The following AP3B1 variants were observed in gnomAD, a reference collection of about 807,000 sequenced individuals.
AP3B1 encodes the protein adaptor related protein complex 3 subunit beta 1.
Under a neutral mutation model 132.5 loss-of-function variants are expected in AP3B1, and 61 were observed. The observed-to-expected ratio is 0.46, with a 90% confidence interval of 0.37 to 0.57. The LOEUF is 0.57. AP3B1 is among the 20% of genes least tolerant of loss of function. AP3B1 has a pLI of 0.00. For synonymous variants in AP3B1, 388 were observed against 438.3 expected, an observed-to-expected ratio of 0.89 and a Z score of 1.43; for missense variants, 1,120 against 1,289.4, an observed-to-expected ratio of 0.87 and a Z score of 2.01.
chr5:78,235,131 G>C (rs1290738678), intron 3 of AP3B1, among the ~76,000 whole-genome samples: 1 of 151,950 alleles, frequency 6.6e-6, no homozygotes, highest in Non-Finnish European at 1.5e-5. Context: ...TGGTAATTAG[G>C]ACTCTAGGTG....
At chr5:78,268,290 GTTC>G (rs1748411005) in intron 1 of AP3B1, among the ~76,000 whole-genome samples, 1 of 151,876 alleles carries the variant, frequency 6.6e-6, no homozygotes, top group Non-Finnish European at 1.5e-5. Flanking sequence ...ACTGTATTTT[GTTC>G]TTCTACTTTT....
At chr5:78,038,593 C>T (rs1266167658) in intron 23 of AP3B1, among the ~76,000 whole-genome samples, 1 of 152,198 alleles carries the variant, frequency 6.6e-6, no homozygotes, top group African/African-American at 2.4e-5. Context: ...CCTTCACTTT[C>T]CCATAAATTG....
At chr5:78,233,871 T>C (rs926558943) in intron 3 of AP3B1, among the ~76,000 whole-genome samples, 1 of 152,158 alleles carries the variant, frequency 6.6e-6, no homozygotes, top group Non-Finnish European at 1.5e-5. Context: ...TGTTGTGGCC[T>C]ATGATGGCAG....
chr5:78,208,429 G>A (rs370755071), intron 7 of AP3B1, among the ~76,000 whole-genome samples: 25 of 152,230 alleles, frequency 1.6e-4, no homozygotes, highest in African/African-American at 5.8e-4. Context: ...CCTTATGCTT[G>A]TAACATGACT....
At chr5:78,101,369 A>ATAAC in intron 20 of AP3B1, 1 of 448,924 alleles carries the variant, frequency 2.2e-6, no homozygotes, top group South Asian at 1.7e-5. Flanking sequence ...ATTCTTGAAA[A>ATAAC]TAACTTTTAA....
intron 21 of AP3B1, among the ~76,000 whole-genome samples, chr5:78,096,037 C>G (rs948788272): frequency 1.3e-5 from 2 of 152,186 alleles, no homozygotes; most frequent in African/African-American, 4.8e-5. Flanking sequence ...TCTCCCTCTC[C>G]CCACGGTCTC....
chr5:78,077,660 G>A (rs1484404481), intron 22 of AP3B1, among the ~76,000 whole-genome samples: 1 of 150,440 alleles, frequency 6.6e-6, no homozygotes, highest in Non-Finnish European at 1.5e-5. Context: ...AAGCCTTCAG[G>A]TATACTAGTT....
intron 14 of AP3B1, among the ~76,000 whole-genome samples, chr5:78,149,064 A>C (rs958261600): frequency 3.9e-5 from 6 of 152,186 alleles, no homozygotes; most frequent in Admixed American, 1.3e-4. Flanking sequence ...TGCGGTAGAC[A>C]TTGATCATGT....
At chr5:78,220,695 TAA>T (rs367902480) in intron 6 of AP3B1, among the ~76,000 whole-genome samples, 11 of 137,354 alleles carry the variant, frequency 8.0e-5, no homozygotes, top group African/African-American at 2.4e-4. Context: ...AAAATTAGCT[TAA>T]AAAAAAAAAA....
chr5:78,250,440 C>T (rs1281117008), intron 2 of AP3B1, among the ~76,000 whole-genome samples: 1 of 152,134 alleles, frequency 6.6e-6, no homozygotes, highest in Admixed American at 6.6e-5. Flanking sequence ...GACATTTGGT[C>T]TTCTAATACT....
intron 14 of AP3B1, among the ~76,000 whole-genome samples, chr5:78,150,775 AT>A (rs901586814): frequency 7.3e-5 from 11 of 150,522 alleles, no homozygotes; most frequent in Non-Finnish European, 1.3e-4. Context: ...TTATTTATTT[AT>A]TTTTTTTTTA....
At chr5:78,100,869 T>C in intron 21 of AP3B1, 84 bp downstream of exon 21, 1 of 775,906 alleles carries the variant, frequency 1.3e-6, no homozygotes. Flanking sequence ...TGATATATTT[T>C]GGGACATGTA....
At chr5:78,121,631 C>A (rs1240002043) in intron 17 of AP3B1, 2 of 152,154 alleles carry the variant, frequency 1.3e-5, no homozygotes, top group Admixed American at 1.3e-4. Context: ...TACACCCTCC[C>A]AAGACTAAAC....
intron 22 of AP3B1, among the ~76,000 whole-genome samples, chr5:78,080,976 T>C (rs562970579): frequency 5.3e-5 from 8 of 152,292 alleles, no homozygotes; most frequent in African/African-American, 1.9e-4. Flanking sequence ...AGTTTTCAGC[T>C]GGAGTAAAGG....
intron 16 of AP3B1, among the ~76,000 whole-genome samples, chr5:78,128,606 T>C (rs1256911640): frequency 1.3e-5 from 2 of 152,266 alleles, no homozygotes; most frequent in African/African-American, 4.8e-5. Flanking sequence ...CCAACTGGAA[T>C]GGCTACTTGT....
At chr5:78,083,415 A>G (rs1403620861) in intron 22 of AP3B1, among the ~76,000 whole-genome samples, 1 of 152,240 alleles carries the variant, frequency 6.6e-6, no homozygotes, top group Non-Finnish European at 1.5e-5. Context: ...GAGGTGAACA[A>G]GTTATTCTTA....
chr5:78,194,638 T>G (rs1745005224), intron 7 of AP3B1, among the ~76,000 whole-genome samples: 1 of 152,204 alleles, frequency 6.6e-6, no homozygotes. Flanking sequence ...TGACTGGTTC[T>G]AGAGCTAAGG....
chr5:78,276,824 G>A (rs142469187), intron 1 of AP3B1, among the ~76,000 whole-genome samples: 106 of 150,814 alleles, frequency 7.0e-4, no homozygotes, highest in Admixed American at 2.2e-3. Flanking sequence ...AGCCAAGATC[G>A]CACCATTTCA....
In AP3B1 at chr5:78,184,040, C is replaced by T. The variant is rs570341599; in HGVS notation, c.787-2378G>A. ...AAAATTAGCCAGGCATGGTGGTGGA[C>T]GCCTGTAATCCCAGCTACTCAGGAA... On this transcript the variant is annotated intron_variant, in intron 7 of 26. Coordinates refer to ENST00000255194, the MANE Select transcript of AP3B1 (RefSeq NM_003664.5). Among the ~76,000 whole-genome samples the T allele has an allele frequency of 6.0e-5, 9 of 150,844 alleles. No homozygotes were observed. In the East Asian group the frequency reaches 9.9e-4, roughly 17 times the overall value.
Sources: allele counts gnomAD v4.1 joint callset (sites outside exome capture counted in the v4.1 genomes callset), GRCh38; gene constraint gnomAD v4.1.1; transcripts MANE v1.5; gene names NCBI Gene and HGNC (gene_info 2026-07-23, HGNC 2026-07-21).